The following FANCC variants were observed in gnomAD, a reference collection of about 807,000 sequenced individuals.
The protein encoded by FANCC is FA complementation group C, also known as Fanconi anemia group C protein.
A neutral mutation model predicts 71.3 loss-of-function variants in FANCC; 55 were observed. The ratio of observed to expected loss-of-function variants is 0.77; its 90% CI spans 0.62 to 0.97. The LOEUF is 0.97. Ranked by LOEUF, FANCC falls within the 50% of genes least tolerant of loss-of-function variation. The pLI, the probability that FANCC is intolerant of heterozygous loss-of-function variation, is 0.00. For missense variants in FANCC, 678 were observed against 670.9 expected (o/e 1.01, Z -0.12); for synonymous variants, 275 against 244.9 (o/e 1.12, Z -1.15).
At chr9:95,164,154 A>C (rs1172118130) in intron 6 of FANCC, among the ~76,000 whole-genome samples, 1 of 152,182 alleles carries the variant, frequency 6.6e-6, no homozygotes, top group African/African-American at 2.4e-5. Flanking sequence ...TAGTTCTAAC[A>C]ATTTTTTTGT....
intron 3 of FANCC, among the ~76,000 whole-genome samples, chr9:95,242,737 A>C (rs1434196971): frequency 4.6e-5 from 7 of 152,194 alleles, no homozygotes; most frequent in Non-Finnish European, 2.9e-5. Flanking sequence ...ATGCACTGAA[A>C]TGCACTGCTA....
At chr9:95,260,679 T>TAAAA (rs1254519022) in intron 1 of FANCC, among the ~76,000 whole-genome samples, 1 of 77,248 alleles carries the variant, frequency 1.3e-5, no homozygotes. Context: ...TCTCAGAACT[T>TAAAA]AAAATATAAA....
At chr9:95,316,855 G>A (rs371344168) in intron 1 of FANCC, 15 of 152,412 alleles carry the variant, frequency 9.8e-5, no homozygotes, top group East Asian at 5.8e-4. Context: ...CACGGGCTTT[G>A]AAGATATGGC....
intron 13 of FANCC, chr9:95,107,563 CAG>C: frequency 2.0e-6 from 1 of 509,832 alleles, no homozygotes. Flanking sequence ...AGAATGTAGT[CAG>C]ATTTTTATAT....
chr9:95,122,596 C>T (rs1335318736), intron 10 of FANCC, among the ~76,000 whole-genome samples: 2 of 152,188 alleles, frequency 1.3e-5, no homozygotes, highest in African/African-American at 2.4e-5. Context: ...TCCTTAGATA[C>T]GTATGCCTGG....
chr9:95,108,021 C>T (rs2071592578), intron 13 of FANCC, among the ~76,000 whole-genome samples: 1 of 152,226 alleles, frequency 6.6e-6, no homozygotes, highest in South Asian at 2.1e-4. Flanking sequence ...AAACCGAAAG[C>T]CCATAGCTCC....
At chr9:95,125,214 C>T (rs756581985) in intron 9 of FANCC, 29 bp from the exon 10 acceptor site, 23 of 1,574,448 alleles carry the variant, frequency 1.5e-5, no homozygotes, top group Middle Eastern at 1.7e-4. Context: ...GATCAGAACA[C>T]GTTTAACAAG....
intron 1 of FANCC, among the ~76,000 whole-genome samples, chr9:95,280,072 T>C (rs767523847): frequency 1.0e-4 from 15 of 150,102 alleles, no homozygotes; most frequent in East Asian, 1.9e-4. Flanking sequence ...TACAAACAGA[T>C]TGGAAGTAAA....
intron 4 of FANCC, among the ~76,000 whole-genome samples, chr9:95,229,660 G>A (rs1349938464): frequency 6.6e-6 from 1 of 152,150 alleles, no homozygotes; most frequent in Non-Finnish European, 1.5e-5. Flanking sequence ...AGATACTCAT[G>A]GTCACCCAAG....
intron 4 of FANCC, among the ~76,000 whole-genome samples, chr9:95,193,351 T>C (rs944128511): frequency 5.9e-5 from 9 of 152,088 alleles, no homozygotes; most frequent in Non-Finnish European, 1.0e-4. Flanking sequence ...AGCTAGGCCA[T>C]GGCGAGCAGA....
intron 1 of FANCC, among the ~76,000 whole-genome samples, chr9:95,265,785 A>G (rs1832349690): frequency 6.6e-6 from 1 of 152,210 alleles, no homozygotes; most frequent in African/African-American, 2.4e-5. Context: ...CCATACATTT[A>G]TTAGGAGCCT....
chr9:95,119,957 C>A (rs2072739529), intron 10 of FANCC, among the ~76,000 whole-genome samples: 1 of 151,840 alleles, frequency 6.6e-6, no homozygotes, highest in South Asian at 2.1e-4. Context: ...AGAGATCCTC[C>A]TGCCTTGGGG....
At chr9:95,154,083 T>C (rs1830326090) in intron 6 of FANCC, among the ~76,000 whole-genome samples, 1 of 151,516 alleles carries the variant, frequency 6.6e-6, no homozygotes, top group East Asian at 1.9e-4. Flanking sequence ...CCATCTCTAC[T>C]AAAAATACAA....
Position 95,107,277 on chromosome 9 carries a change from A to G in FANCC, c.1330-8T>C, listed in dbSNP as rs864622221. On this transcript the variant is annotated splice_region_variant and splice_polypyrimidine_tract_variant and intron_variant, in intron 13 of 14. Transcript: ENST00000289081. ...CACGGCCTTCACCTGGACCTGGGCAATAGTATTTCACAGGGGAGAGGTTAG... is the reference window on the plus strand; with the variant it reads ...CACGGCCTTCACCTGGACCTGGGCAGTAGTATTTCACAGGGGAGAGGTTAG... The G allele has an allele frequency of 6.2e-7, 1 of 1,613,110 alleles. No individual in the cohort carries two copies. The highest frequency in any genetic ancestry group is 8.5e-7 in the Non-Finnish European group (1 of 1,179,714).
At chr9:95,298,550 C>G (rs1022777570) in intron 1 of FANCC, among the ~76,000 whole-genome samples, 1 of 152,100 alleles carries the variant, frequency 6.6e-6, no homozygotes, top group African/African-American at 2.4e-5. Flanking sequence ...AAGGTCTGGG[C>G]CAAGGACAAT....
intron 4 of FANCC, among the ~76,000 whole-genome samples, chr9:95,230,921 G>A (rs1279391915): frequency 6.6e-6 from 1 of 151,816 alleles, no homozygotes; most frequent in African/African-American, 2.4e-5. Context: ...GTGCTCATTG[G>A]TCTGTTTTTA....
chr9:95,179,149 T>C (rs1826189679), intron 4 of FANCC, among the ~76,000 whole-genome samples: 1 of 152,236 alleles, frequency 6.6e-6, no homozygotes, highest in South Asian at 2.1e-4. Context: ...TTTTGATGTG[T>C]TCTTTCATCT....
intron 4 of FANCC, among the ~76,000 whole-genome samples, chr9:95,215,163 T>G (rs1223480515): frequency 6.6e-6 from 1 of 152,178 alleles, no homozygotes; most frequent in African/African-American, 2.4e-5. Context: ...TCTCTTACAG[T>G]TCGGATACAG....
chr9:95,297,947 C>G (rs923532487), intron 1 of FANCC, among the ~76,000 whole-genome samples: 6 of 152,174 alleles, frequency 3.9e-5, no homozygotes, highest in African/African-American at 1.4e-4. Flanking sequence ...CTTTACAAAA[C>G]AGAGTAAGGA....
Sources: allele counts gnomAD v4.1 joint callset (sites outside exome capture counted in the v4.1 genomes callset), GRCh38; gene constraint gnomAD v4.1.1; transcripts MANE v1.5; gene names NCBI Gene and HGNC (gene_info 2026-07-23, HGNC 2026-07-21).